Variants in XKR6 observed in about 807,000 individuals in gnomAD.
XKR6 encodes the protein XK-related protein 6.
A neutral mutation model predicts 56.7 loss-of-function variants in XKR6; 22 were observed. The observed-to-expected ratio is 0.39, with a 90% confidence interval of 0.28 to 0.55. The LOEUF is 0.55. Ranked by LOEUF, XKR6 falls within the 20% of genes least tolerant of loss-of-function variation. The pLI is 0.66. For synonymous variants in XKR6, 524 were observed against 387.8 expected (o/e 1.35, Z -4.13); for missense variants, 852 against 889.0 (o/e 0.96, Z 0.53).
chr8:11,199,540 G>C (rs1232829892), intron 1 of XKR6, among the ~76,000 whole-genome samples: 1 of 152,188 alleles, frequency 6.6e-6, no homozygotes, highest in South Asian at 2.1e-4. Context: ...TTTATCTTCA[G>C]TAAGATTTTT....
chr8:10,990,005 T>C (rs1797952372), intron 1 of XKR6, among the ~76,000 whole-genome samples: 1 of 151,334 alleles, frequency 6.6e-6, no homozygotes, highest in African/African-American at 2.4e-5. Flanking sequence ...AAACTGGGAG[T>C]CGGGTTATGG....
chr8:10,970,737 C>G (rs1802384644), intron 1 of XKR6, among the ~76,000 whole-genome samples: 1 of 150,864 alleles, frequency 6.6e-6, no homozygotes, highest in Admixed American at 6.6e-5. Flanking sequence ...AGAGAACTAC[C>G]TTTACTGGGA....
At chr8:10,923,744 G>A (rs893418612) in intron 2 of XKR6, among the ~76,000 whole-genome samples, 1 of 152,214 alleles carries the variant, frequency 6.6e-6, no homozygotes, top group African/African-American at 2.4e-5. Flanking sequence ...GAGGACCTGC[G>A]GGGTCTGGAG....
chr8:11,171,498 T>C (rs567888413), intron 1 of XKR6, among the ~76,000 whole-genome samples: 2 of 152,324 alleles, frequency 1.3e-5, no homozygotes, highest in African/African-American at 2.4e-5. Context: ...AGATGCCTCA[T>C]GAATAGATTC....
At chr8:10,995,841 G>C (rs1798099795) in intron 1 of XKR6, among the ~76,000 whole-genome samples, 1 of 152,194 alleles carries the variant, frequency 6.6e-6, no homozygotes, top group Admixed American at 6.5e-5. Flanking sequence ...GCAAATGTGA[G>C]AGGGCAATCC....
chr8:10,931,313 G>C (rs1801043602), intron 1 of XKR6, among the ~76,000 whole-genome samples: 1 of 152,134 alleles, frequency 6.6e-6, no homozygotes, highest in East Asian at 1.9e-4. Context: ...ACCATGTTCA[G>C]GGATTGGAAG....
chr8:10,916,493 A>G (rs968313204), intron 2 of XKR6, among the ~76,000 whole-genome samples: 1 of 152,248 alleles, frequency 6.6e-6, no homozygotes, highest in African/African-American at 2.4e-5. Flanking sequence ...GAAATCTCCC[A>G]CAAAGACAGA....
chr8:11,018,788 G>A (rs4370496), intron 1 of XKR6, among the ~76,000 whole-genome samples: 36,693 of 151,840 alleles, frequency 0.24, 4,701 homozygotes, highest in Middle Eastern at 0.32. Context: ...TGCCAAAAAA[G>A]AAGACCCAAA....
chr8:10,938,272 G>A (rs1428117666), intron 1 of XKR6, among the ~76,000 whole-genome samples: 4 of 152,140 alleles, frequency 2.6e-5, no homozygotes, highest in South Asian at 2.1e-4. Context: ...CGCACGGTGC[G>A]CGCACCCACT....
chr8:11,139,082 A>G (rs767795942), intron 1 of XKR6, among the ~76,000 whole-genome samples: 1 of 152,234 alleles, frequency 6.6e-6, no homozygotes, highest in Non-Finnish European at 1.5e-5. Flanking sequence ...CAATTTCAGA[A>G]TAAAACCATT....
At chr8:11,027,137 A>T (rs186357803) in intron 1 of XKR6, among the ~76,000 whole-genome samples, 3 of 152,342 alleles carry the variant, frequency 2.0e-5, no homozygotes, top group Non-Finnish European at 4.4e-5. Context: ...CCTGTACAGT[A>T]CAATACTGTA....
At chr8:11,192,756 T>C (rs966767109) in intron 1 of XKR6, among the ~76,000 whole-genome samples, 2 of 152,172 alleles carry the variant, frequency 1.3e-5, no homozygotes, top group Non-Finnish European at 2.9e-5. Flanking sequence ...GAGGCTCTGA[T>C]CCTGGAGTCT....
At position 10,898,493 on chromosome 8, in the gene XKR6, A is replaced by C; in HGVS notation, c.1385T>G (p.Phe462Cys). ...ENAALTFLWY[F>C]YRDPETTDSY... ...GTCAGTGGTCTCCGGGTCTCTGTAA[A>C]AATACCAAAGGAACGTCAAGGCAGC... is the stretch of plus-strand genomic sequence containing the variant. Residue 462 changes from phenylalanine (F) to cysteine (C), a missense_variant, in exon 3 of 3, where the codon TTT (phenylalanine) becomes TGT (cysteine). Transcript: ENST00000416569. The surrounding 1 kb of genome is among the most constrained non-coding windows in gnomAD (Gnocchi z 6.6). 6.2e-7 allele frequency: 1 copy of C among 1,613,986 alleles called. No homozygotes were observed. The highest frequency in any genetic ancestry group is 8.5e-7 in the Non-Finnish European group (1 of 1,180,014).
At position 10,913,607 on chromosome 8, in the gene XKR6, T is replaced by C. The variant is rs535874687; in HGVS notation, c.961+11027A>G. 9.8e-5 allele frequency among the ~76,000 whole-genome samples: 15 copies of C among 152,314 alleles called. No individual in the cohort carries two copies. The South Asian group carries it at 3.1e-3, about 32-fold the overall frequency. ...CCTCTGCGATAGAAGAGATCACCAG[T>C]GTTTACAAACACGATCACTGCAGCT... On this transcript the variant is annotated intron_variant, in intron 2 of 2. Transcript: ENST00000416569.
chr8:11,061,458 C>T (rs971483593), intron 1 of XKR6, among the ~76,000 whole-genome samples: 3 of 107,708 alleles, frequency 2.8e-5, no homozygotes, highest in African/African-American at 1.5e-4. Context: ...CAGAGTGAGA[C>T]CCTGTCTCAA....
chr8:11,004,125 G>C (rs539618190), intron 1 of XKR6, among the ~76,000 whole-genome samples: 2 of 152,160 alleles, frequency 1.3e-5, no homozygotes, highest in African/African-American at 4.8e-5. Flanking sequence ...TGGGAGTTAT[G>C]AGGAGCCCTG....
intron 1 of XKR6, among the ~76,000 whole-genome samples, chr8:11,101,213 C>G (rs76019163): frequency 0.013 from 1,968 of 152,176 alleles, 41 homozygotes; most frequent in African/African-American, 0.046. Flanking sequence ...AAATTATACA[C>G]GAGAGTCATT....
intron 1 of XKR6, chr8:11,035,339 G>T (rs754719113): frequency 3.7e-6 from 2 of 534,572 alleles, no homozygotes; most frequent in African/African-American, 3.8e-5. Context: ...GCCCCCACTG[G>T]CCATGCAGGA....
chr8:11,029,910 GAA>G (rs1213872842), intron 1 of XKR6, among the ~76,000 whole-genome samples: 4 of 152,040 alleles, frequency 2.6e-5, no homozygotes, highest in Admixed American at 6.6e-5. Context: ...ATCCATAACA[GAA>G]GAACTCTAAC....
Sources: gnomAD v4.1 joint callset for allele counts (sites outside exome capture counted in the v4.1 genomes callset) on GRCh38, gnomAD v4.1.1 for gene constraint, Gnocchi (gnomAD v3.1) non-coding constraint, MANE v1.5 for transcripts, NCBI Gene and HGNC (gene_info 2026-07-23, HGNC 2026-07-21) for gene names.